The following RUNX3 variants were observed in gnomAD, a reference collection of about 807,000 sequenced individuals.
RUNX3 encodes RUNX family transcription factor 3.
A neutral mutation model predicts 27.7 loss-of-function variants in RUNX3; 10 were observed. That is an observed-to-expected ratio of 0.36 (90% CI 0.22 to 0.61). The LOEUF is 0.61. Ranked by LOEUF, RUNX3 falls within the 20% of genes least tolerant of loss-of-function variation. The pLI, the probability that RUNX3 is intolerant of heterozygous loss-of-function variation, is 0.72. For missense variants in RUNX3, 469 were observed against 629.5 expected (o/e 0.75, Z 2.73); for synonymous variants, 270 against 269.2 (o/e 1.00, Z -0.03).
chr1:24,936,630 C>G (rs994605886), intron 2 of RUNX3, among the ~76,000 whole-genome samples: 5 of 152,182 alleles, frequency 3.3e-5, no homozygotes, highest in African/African-American at 1.2e-4. Flanking sequence ...GTCTGCACCC[C>G]CTGCCTCTCC....
chr1:24,933,971 T>C (rs186869560), upstream of RUNX3, among the ~76,000 whole-genome samples: 1 of 152,264 alleles, frequency 6.6e-6, no homozygotes, highest in East Asian at 1.9e-4. Context: ...GCCCTAGAAC[T>C]CAAAGGGGAC....
At chr1:24,964,376 C>T in intron 2 of RUNX3, 1 of 710,290 alleles carries the variant, frequency 1.4e-6, no homozygotes, top group Non-Finnish European at 2.5e-6. Flanking sequence ...CCCCTCTTCC[C>T]ACCTCAGGCT....
rs113989686 is a variant in RUNX3 at position 24,954,615 on chromosome 1, G to A, written c.58+9899C>T. Among the ~76,000 whole-genome samples the A allele has an allele frequency of 1.0e-3, 158 of 152,294 alleles. 4 individuals are homozygous for A. The highest frequency in any genetic ancestry group is 3.6e-3 in the African/African-American group (148 of 41,550). ...TGCACTGTGCCCTGAAAATCATGCC[G>A]CCGTCACTAGCCCTGGGATTCTCCC... On this transcript the variant is annotated intron_variant, in intron 2 of 6. Coordinates refer to the RUNX3 transcript ENST00000338888.
At chr1:24,945,129 A>G (rs1471675446) in intron 2 of RUNX3, among the ~76,000 whole-genome samples, 1 of 152,220 alleles carries the variant, frequency 6.6e-6, no homozygotes, top group African/African-American at 2.4e-5. Context: ...TAGAGTTGTC[A>G]CATTTAACAA....
chr1:24,904,540 C>T lies in RUNX3; in HGVS notation c.704-1874G>A, dbSNP rs1042049126. 7.2e-5 allele frequency among the ~76,000 whole-genome samples: 11 copies of T among 152,146 alleles called. No homozygotes were observed. Among genetic ancestry groups the T allele is most frequent in the African/African-American group, 2.4e-4 (10 of 41,448 alleles). ...GCCAGTTTTCATCTGGGGAGCCCCTCGGGGGGAGAGGTCCTGTTGCAGGTG... is the reference window on the plus strand; with the variant it reads ...GCCAGTTTTCATCTGGGGAGCCCCTTGGGGGGAGAGGTCCTGTTGCAGGTG... On this transcript the variant is annotated intron_variant, in intron 4 of 4. Transcript: ENST00000308873. The surrounding 1 kb of genome is among the most constrained non-coding windows in gnomAD (Gnocchi z 5.7).
chr1:24,910,515 G>A (rs1640777333), intron 3 of RUNX3, among the ~76,000 whole-genome samples: 1 of 152,202 alleles, frequency 6.6e-6, no homozygotes, highest in South Asian at 2.1e-4. Flanking sequence ...TAGGGCATGA[G>A]GGGACAGAGC....
At chr1:24,931,353 A>G (rs1212109700), upstream of RUNX3, among the ~76,000 whole-genome samples, 1 of 152,018 alleles carries the variant, frequency 6.6e-6, no homozygotes, top group East Asian at 1.9e-4. Flanking sequence ...TCCCACTCCC[A>G]GCCGCGTGGC....
intron 3 of RUNX3, among the ~76,000 whole-genome samples, chr1:24,914,538 C>A (rs908306367): frequency 6.6e-6 from 1 of 152,146 alleles, no homozygotes; most frequent in Non-Finnish European, 1.5e-5. Flanking sequence ...ACGGGCTGGC[C>A]GGGGGCCAGC....
intron 3 of RUNX3, among the ~76,000 whole-genome samples, chr1:24,918,195 A>G (rs1484690742): frequency 6.6e-6 from 1 of 152,022 alleles, no homozygotes; most frequent in Non-Finnish European, 1.5e-5. Flanking sequence ...GGCCCAGCTG[A>G]CTCCCAAGAA....
intron 2 of RUNX3, among the ~76,000 whole-genome samples, chr1:24,940,664 TG>T (rs1178123153): frequency 6.8e-6 from 1 of 147,128 alleles, no homozygotes; most frequent in African/African-American, 2.5e-5. Flanking sequence ...AAGGGTGAGG[TG>T]GGGGGATCTA....
intron 2 of RUNX3, among the ~76,000 whole-genome samples, chr1:24,926,544 T>C (rs986226797): frequency 2.6e-5 from 4 of 152,250 alleles, no homozygotes; most frequent in Non-Finnish European, 2.9e-5. Context: ...GACATTTGTA[T>C]GTATACATCG....
Position 24,942,230 on chromosome 1 carries a change from G to A in RUNX3, c.59-12378C>T, listed in dbSNP as rs114101939. Among the ~76,000 whole-genome samples, 318 of 152,284 alleles carry A rather than the reference G, an allele frequency of 2.1e-3. 2 individuals are homozygous for A. The highest frequency in any genetic ancestry group is 7.1e-3 in the African/African-American group (297 of 41,558). ...GAAGTAAGAAACAGACAGAGGAAAA[G>A]GAGTTGGCACTAGATTGAAGCAGTC... On this transcript the variant is annotated intron_variant, in intron 2 of 6. Coordinates refer to the RUNX3 transcript ENST00000338888.
Position 24,900,411 on chromosome 1 carries a change from G to A in RUNX3, c.*1711C>T, listed in dbSNP as rs1468869864. 6.6e-6 allele frequency: 1 copy of A among 152,388 alleles called. No homozygotes were observed. The highest frequency in any genetic ancestry group is 2.4e-5 in the African/African-American group (1 of 41,462). 9.4% of individuals were successfully genotyped at this position (152,388 alleles called of 1,614,324 possible). ...TGTAGGGCAGATTTCTGCATCCACA[G>A]AGGCCGAGGCAGAAAGTTAAAATAC... On this transcript the variant is annotated 3_prime_UTR_variant, in exon 5 of 5. Transcript: ENST00000308873.
rs1640619482 is a variant in RUNX3, at chr1:24,904,237, G to A, written c.704-1571C>T. On this transcript the variant is annotated intron_variant, in intron 4 of 4. Coordinates refer to ENST00000308873, the MANE Select transcript of RUNX3 (RefSeq NM_004350.3). This position sits in a 1 kb window ranked among gnomAD's most constrained non-coding sequence, Gnocchi z 5.7. ...GCCACGCCGAGGCTTGGCTGAGGAC[G>A]GAGAGCTATGAGCCTGAGGTGTGTG... is the stretch of plus-strand genomic sequence containing the variant. Among the ~76,000 whole-genome samples, 1 of 152,226 alleles carries A rather than the reference G, an allele frequency of 6.6e-6. No homozygotes were observed. The highest frequency in any genetic ancestry group is 1.5e-5 in the Non-Finnish European group (1 of 68,036).
Position 24,962,617 on chromosome 1 carries a change from G to A in RUNX3, c.58+1897C>T, listed in dbSNP as rs149644799. Among the ~76,000 whole-genome samples the A allele has an allele frequency of 3.1e-4, 47 of 152,324 alleles. No homozygotes were observed. The East Asian group carries it at 8.1e-3, about 26-fold the overall frequency. ...AGGTCTCCACAAAAGTGGAGGGAAG[G>A]CCCTCGGGCCACAGACCCCAGATCC... On this transcript the variant is annotated intron_variant, in intron 2 of 6. Transcript: ENST00000338888. This position sits in a 1 kb window ranked among gnomAD's most constrained non-coding sequence, Gnocchi z 4.5.
At chr1:24,909,677 C>T (rs907305540) in intron 3 of RUNX3, among the ~76,000 whole-genome samples, 1 of 152,252 alleles carries the variant, frequency 6.6e-6, no homozygotes. Context: ...TCTCAAGCTT[C>T]CCCTTTAGTT....
intron 2 of RUNX3, among the ~76,000 whole-genome samples, chr1:24,948,251 C>T (rs1044694738): frequency 4.6e-5 from 7 of 152,208 alleles, no homozygotes; most frequent in African/African-American, 1.4e-4. Flanking sequence ...CCTCAGACCA[C>T]GCCACCAGGT....
upstream of RUNX3, chr1:24,930,280 G>A: frequency 1.0e-6 from 1 of 979,164 alleles, no homozygotes; most frequent in Non-Finnish European, 1.2e-6. The surrounding 1 kb of genome is among the most constrained non-coding windows in gnomAD (Gnocchi z 4.1). Flanking sequence ...AAGTGGCGGG[G>A]CCGCGGCCGC....
Position 24,902,065 on chromosome 1 carries a change from CT to C in RUNX3, c.*56del. 3.5e-6 allele frequency: 5 copies of C among 1,428,772 alleles called. No individual in the cohort carries two copies. The highest frequency in any genetic ancestry group is 4.6e-6 in the Non-Finnish European group (5 of 1,081,190). The allele number at this position is 1,428,772 out of a possible 1,614,324, so 88.5% of individuals were successfully genotyped here. A position where few individuals can be genotyped will look rare whatever the true frequency, so the allele number is the denominator to read the frequency against. On this transcript the variant is annotated 3_prime_UTR_variant, in exon 5 of 5. Coordinates refer to ENST00000308873, the MANE Select transcript of RUNX3 (RefSeq NM_004350.3). This position sits in a 1 kb window ranked among gnomAD's most constrained non-coding sequence, Gnocchi z 9.2. Reference sequence around the variant, plus strand: ...CCGGAGCCTCGGAGCCGGCCCATCACTGGTCTTGAAGGTTGTTAGGGTCCCC... The same window carrying C: ...CCGGAGCCTCGGAGCCGGCCCATCACGGTCTTGAAGGTTGTTAGGGTCCCC...
Sources: allele counts gnomAD v4.1 joint callset (sites outside exome capture counted in the v4.1 genomes callset), GRCh38; gene constraint gnomAD v4.1.1; non-coding constraint Gnocchi (gnomAD v3.1); transcripts MANE v1.5; gene names NCBI Gene and HGNC (gene_info 2026-07-23, HGNC 2026-07-21).